Variants in SHROOM3 observed in about 807,000 individuals in gnomAD.
The protein encoded by SHROOM3 is protein Shroom3.
SHROOM3 carries 47 observed loss-of-function variants against 138.6 expected under a neutral mutation model. The ratio of observed to expected loss-of-function variants is 0.34; its 90% CI spans 0.27 to 0.43. The LOEUF (loss-of-function observed/expected upper bound fraction) is 0.43, where lower values mean the gene tolerates loss of function less well. Among genes scored for constraint, SHROOM3 ranks in the 20% least tolerant of loss-of-function variants. SHROOM3 has a pLI of 1.00. For synonymous variants in SHROOM3, 1,062 were observed against 1,063.3 expected, an observed-to-expected ratio of 1.00 and a Z score of 0.02; for missense variants, 2,491 against 2,596.5, an observed-to-expected ratio of 0.96 and a Z score of 0.88.
chr4:76,676,926 G>C (rs1308486078), intron 2 of SHROOM3, among the ~76,000 whole-genome samples: 2 of 128,758 alleles, frequency 1.6e-5, no homozygotes, highest in African/African-American at 6.2e-5. Flanking sequence ...CTGGGCGACA[G>C]AGCGAGACTC....
chr4:76,529,004 C>A (rs1041813748), intron 1 of SHROOM3, among the ~76,000 whole-genome samples: 8 of 152,224 alleles, frequency 5.3e-5, no homozygotes, highest in Admixed American at 3.3e-4. Context: ...AGGTATCTAT[C>A]CTCACTGCCA....
chr4:76,625,770 A>G (rs534740828), intron 2 of SHROOM3, among the ~76,000 whole-genome samples: 2 of 152,292 alleles, frequency 1.3e-5, no homozygotes, highest in East Asian at 3.9e-4. Flanking sequence ...AAATATTCTC[A>G]TGACATCATG....
intron 2 of SHROOM3, among the ~76,000 whole-genome samples, chr4:76,590,724 G>A (rs1025170552): frequency 6.6e-6 from 1 of 151,746 alleles, no homozygotes; most frequent in Non-Finnish European, 1.5e-5. Flanking sequence ...CGGGGTAGAA[G>A]TCTTTCTTTG....
chr4:76,624,442 GT>G (rs1735080052), intron 2 of SHROOM3, among the ~76,000 whole-genome samples: 1 of 152,132 alleles, frequency 6.6e-6, no homozygotes, highest in Non-Finnish European at 1.5e-5. Context: ...TTCTTGGGAA[GT>G]TTTTAGGTTT....
At position 76,756,589 on chromosome 4, in the gene SHROOM3, T is replaced by C. The variant is rs137973946; in HGVS notation, c.4850T>C (p.Phe1617Ser). The change falls in exon 8 of 11, where the codon TTC becomes TCC. Residue 1617 changes from phenylalanine to serine, a missense_variant. By Grantham distance (155) the Phe-to-Ser change is radical. Transcript: ENST00000296043. ...GAGGCTGAGTCCACACCACCCTCCT[T>C]CATGAGCGTTCACGCCCAACTTGCT... ...GSEAESTPPSFMSVHAQLAGS... is the reference protein window; with the variant it reads ...GSEAESTPPSSMSVHAQLAGS... 72 of 1,612,238 alleles carry C rather than the reference T, an allele frequency of 4.5e-5. No individual in the cohort carries two copies. In the African/African-American group the frequency reaches 8.2e-4, roughly 18 times the overall value.
chr4:76,487,796 T>C (rs1731762885), intron 1 of SHROOM3, among the ~76,000 whole-genome samples: 1 of 152,332 alleles, frequency 6.6e-6, no homozygotes, highest in Admixed American at 6.5e-5. Context: ...TTCCCTGTTT[T>C]CATTAGTCAA....
At chr4:76,534,544 G>A (rs957536956) in intron 1 of SHROOM3, among the ~76,000 whole-genome samples, 1 of 148,992 alleles carries the variant, frequency 6.7e-6, no homozygotes, top group African/African-American at 2.5e-5. Context: ...AAAAAAAGTA[G>A]TCTGATTGAA....
intron 2 of SHROOM3, among the ~76,000 whole-genome samples, chr4:76,637,365 G>T (rs115692396): frequency 4.6e-5 from 7 of 152,294 alleles, no homozygotes; most frequent in African/African-American, 1.7e-4. Flanking sequence ...AAAATGTGAA[G>T]ACTGAGGGCT....
At chr4:76,774,719 TG>T (rs1346297636) in intron 10 of SHROOM3, among the ~76,000 whole-genome samples, 11 of 143,280 alleles carry the variant, frequency 7.7e-5, no homozygotes, top group East Asian at 2.1e-4. Flanking sequence ...GTTTTTTTTT[TG>T]TTTTTTTTTT....
chr4:76,770,345 AAAAAAACAG>A (rs1388086711), intron 9 of SHROOM3, among the ~76,000 whole-genome samples: 21 of 148,006 alleles, frequency 1.4e-4, no homozygotes, highest in Admixed American at 2.7e-4. Context: ...AAAAAAAAAA[AAAAAAACAG>A]AAGACAAAGC....
At chr4:76,516,307 T>A (rs1732444434) in intron 1 of SHROOM3, among the ~76,000 whole-genome samples, 1 of 152,232 alleles carries the variant, frequency 6.6e-6, no homozygotes, top group South Asian at 2.1e-4. Context: ...GACTGTAATA[T>A]TGCTCCTATT....
At chr4:76,661,081 G>T (rs1158282622) in intron 2 of SHROOM3, among the ~76,000 whole-genome samples, 3 of 152,180 alleles carry the variant, frequency 2.0e-5, no homozygotes, top group Non-Finnish European at 4.4e-5. Flanking sequence ...ACAGGTGTGA[G>T]CCACTGTACC....
At chr4:76,553,184 G>A (rs896583727) in intron 1 of SHROOM3, among the ~76,000 whole-genome samples, 9 of 152,252 alleles carry the variant, frequency 5.9e-5, no homozygotes, top group Non-Finnish European at 8.8e-5. Flanking sequence ...ACAGAGTCTC[G>A]CTCTGTCGCC....
At chr4:76,471,900 C>T (rs577591289) in intron 1 of SHROOM3, among the ~76,000 whole-genome samples, 210 of 152,182 alleles carry the variant, frequency 1.4e-3, no homozygotes, top group African/African-American at 4.9e-3. Flanking sequence ...TTGTATTTTG[C>T]AGTCTCTGGA....
chr4:76,759,414 T>C (rs1721923425), intron 8 of SHROOM3, 131 bp from the exon 9 acceptor site: 1 of 1,215,780 alleles, frequency 8.2e-7, no homozygotes, highest in African/African-American at 1.5e-5. Context: ...TAACAGTTAC[T>C]AGTTTATCCT....
chr4:76,706,838 A>C (rs1223881512), intron 2 of SHROOM3, among the ~76,000 whole-genome samples: 1 of 152,174 alleles, frequency 6.6e-6, no homozygotes, highest in Admixed American at 6.5e-5. Flanking sequence ...TGAGGTGTAC[A>C]TCTATAGCCA....
At chr4:76,577,593 T>C (rs1733967506) in intron 2 of SHROOM3, among the ~76,000 whole-genome samples, 1 of 152,230 alleles carries the variant, frequency 6.6e-6, no homozygotes, top group Non-Finnish European at 1.5e-5. Flanking sequence ...TTTATCAATC[T>C]TGTTAAAGGA....
At chr4:76,579,479 TAAACAAAC>T (rs759983752) in intron 2 of SHROOM3, among the ~76,000 whole-genome samples, 7 of 152,160 alleles carry the variant, frequency 4.6e-5, no homozygotes, top group Admixed American at 3.9e-4. Flanking sequence ...AAAATAATAA[TAAACAAAC>T]AAACAAACAA....
intron 2 of SHROOM3, among the ~76,000 whole-genome samples, chr4:76,564,257 G>A (rs1733653993): frequency 6.6e-6 from 1 of 152,180 alleles, no homozygotes; most frequent in South Asian, 2.1e-4. Context: ...CTAGAGGGGA[G>A]ATCAGTATAA....
Sources: allele counts gnomAD v4.1 joint callset (sites outside exome capture counted in the v4.1 genomes callset), GRCh38; gene constraint gnomAD v4.1.1; transcripts MANE v1.5; gene names NCBI Gene and HGNC (gene_info 2026-07-23, HGNC 2026-07-21).